USP24: variants seen among roughly 807,000 people sequenced by gnomAD.
The protein encoded by USP24 is ubiquitin specific peptidase 24.
USP24 carries 97 observed loss-of-function variants against 361.6 expected under a neutral mutation model. The ratio of observed to expected loss-of-function variants is 0.27; its 90% CI spans 0.23 to 0.32. The LOEUF (loss-of-function observed/expected upper bound fraction) is 0.32. Ranked by LOEUF, USP24 falls within the 10% of genes least tolerant of loss-of-function variation. The pLI, the probability that USP24 is intolerant of heterozygous loss-of-function variation, is 1.00. For synonymous variants in USP24, 1,098 were observed against 1,124.6 expected, an observed-to-expected ratio of 0.98 and a Z score of 0.47; for missense variants, 2,353 against 3,165.6, an observed-to-expected ratio of 0.74 and a Z score of 6.16.
chr1:55,132,725 C>T (rs1188763933), intron 30 of USP24, 25 bp from the exon 31 acceptor site: 2 of 1,597,144 alleles, frequency 1.3e-6, no homozygotes, highest in African/African-American at 2.7e-5. Flanking sequence ...ATGAGAAAGA[C>T]ATAAACTACT....
In USP24 at chr1:55,129,537, T is replaced by C. The variant is rs1297310793; in HGVS notation, c.3575A>G (p.Asp1192Gly). 20 of 1,613,792 alleles carry C rather than the reference T, an allele frequency of 1.2e-5. No homozygotes were observed. Among genetic ancestry groups the C allele is most frequent in the African/African-American group, 2.7e-5 (2 of 74,930 alleles). ...SSKLMPTADD[D>G]MARSCAKSFC... ...GGATTTGGCACAGCTTCTGGCCATG[T>C]CATCATCAGCTGTTGGCATGAGTTT... Residue 1192 changes from aspartate (D) to glycine (G), a missense_variant, in exon 32 of 68, where the codon GAC becomes GGC. By Grantham distance (94) the Asp-to-Gly change is moderately conservative. This residue lies in a region of USP24 where 949 missense variants were observed against 1,280.5 expected (regional missense o/e 0.74). Transcript: ENST00000294383.
intron 28 of USP24, 102 bp downstream of exon 28, chr1:55,137,413 A>G: frequency 7.5e-7 from 1 of 1,338,458 alleles, no homozygotes; most frequent in Non-Finnish European, 9.9e-7. Flanking sequence ...AAGCTTGAAC[A>G]CTAATGAATC....
intron 67 of USP24, among the ~76,000 whole-genome samples, chr1:55,070,146 A>G (rs1644891510): frequency 6.6e-6 from 1 of 152,026 alleles, no homozygotes; most frequent in African/African-American, 2.4e-5. Flanking sequence ...TGTGTGTGAG[A>G]TAAGGAACAC....
At chr1:55,189,488 G>A (rs539174211) in intron 1 of USP24, among the ~76,000 whole-genome samples, 5 of 152,192 alleles carry the variant, frequency 3.3e-5, no homozygotes, top group Non-Finnish European at 7.3e-5. Flanking sequence ...GCCGCATATT[G>A]TATCATTCTG....
At chr1:55,188,831 G>C (rs1047895541) in intron 1 of USP24, among the ~76,000 whole-genome samples, 1 of 151,516 alleles carries the variant, frequency 6.6e-6, no homozygotes, top group Non-Finnish European at 1.5e-5. Flanking sequence ...GTGGTGGTGG[G>C]CACCTGTAAT....
chr1:55,129,608 A>G (rs1006282955), intron 31 of USP24, 34 bp from the exon 32 acceptor site: 1 of 1,564,844 alleles, frequency 6.4e-7, no homozygotes, highest in African/African-American at 1.4e-5. Flanking sequence ...ATTCATCCAC[A>G]CATTTTCAGC....
In USP24 at chr1:55,188,605, A is replaced by C. The variant is rs192171476; in HGVS notation, c.325-10473T>G. Among the ~76,000 whole-genome samples the C allele has an allele frequency of 3.5e-4, 54 of 152,282 alleles. 1 individual carries two copies. Among genetic ancestry groups the C allele is most frequent in the Admixed American group, 6.5e-4 (10 of 15,284 alleles). On this transcript the variant is annotated intron_variant, in intron 1 of 67. Transcript: ENST00000294383. ...AAAAGATGCTAAGCATCTTCAGGAA[A>C]ATGCAAATCAAAACCACAAAATACC...
At chr1:55,192,896 T>C (rs1644326302) in intron 1 of USP24, among the ~76,000 whole-genome samples, 1 of 152,216 alleles carries the variant, frequency 6.6e-6, no homozygotes, top group African/African-American at 2.4e-5. Flanking sequence ...CTTCCTAAAC[T>C]ATTCAACAAA....
At chr1:55,102,541 T>C (rs1203884650) in intron 42 of USP24, among the ~76,000 whole-genome samples, 1 of 152,170 alleles carries the variant, frequency 6.6e-6, no homozygotes, top group Admixed American at 6.5e-5. Flanking sequence ...AATAACCAAC[T>C]AGCAGACAAA....
At chr1:55,182,767 T>G (rs1264025108) in intron 1 of USP24, among the ~76,000 whole-genome samples, 1 of 152,138 alleles carries the variant, frequency 6.6e-6, no homozygotes. Context: ...CAGGCTGGAG[T>G]GCAGTGGCAC....
rs1423361538 is a variant in USP24, at chr1:55,215,081, C to T, written c.33G>A (p.Thr11=). The change falls in exon 1 of 68, where the codon ACG becomes ACA. Residue 11 remains threonine (T), a synonymous_variant. Coordinates refer to ENST00000294383, the MANE Select transcript of USP24 (RefSeq NM_015306.3). The part of the protein sequence containing the change: MESEEEQHMT[T]LLCMGFSDPA... Reference sequence around the variant, plus strand: ...GGTCTGAGAAGCCCATGCACAGCAGCGTGGTCATGTGCTGCTCCTCCTCCG... The same window carrying T: ...GGTCTGAGAAGCCCATGCACAGCAGTGTGGTCATGTGCTGCTCCTCCTCCG... 2.1e-6 allele frequency: 3 copies of T among 1,398,452 alleles called. No individual in the cohort carries two copies. Among genetic ancestry groups the T allele is most frequent in the Admixed American group, 2.5e-5 (1 of 40,678 alleles). 86.6% of individuals were successfully genotyped at this position (1,398,452 alleles called of 1,614,324 possible).
intron 67 of USP24, chr1:55,071,012 A>G (rs1055415352): frequency 2.4e-6 from 1 of 416,876 alleles, no homozygotes; most frequent in South Asian, 1.0e-4. Context: ...TAATGTGTGG[A>G]GTGACCTTGG....
intron 62 of USP24, 119 bp from the exon 63 acceptor site, chr1:55,075,642 C>T: frequency 4.1e-6 from 2 of 484,844 alleles, no homozygotes; most frequent in Non-Finnish European, 6.8e-6. Flanking sequence ...ACAACAACAA[C>T]AACAACAACA....
At chr1:55,174,196 C>T (rs78987774) in intron 3 of USP24, among the ~76,000 whole-genome samples, 3,881 of 152,118 alleles carry the variant, frequency 0.026, 61 homozygotes, top group Non-Finnish European at 0.037. Context: ...TCATTCATAC[C>T]CTTACTTCTA....
At chr1:55,154,324 G>A (rs756744411) in intron 14 of USP24, 44 bp from the exon 15 acceptor site, 98 of 1,571,698 alleles carry the variant, frequency 6.2e-5, no homozygotes, top group Non-Finnish European at 8.4e-5. Context: ...TATGCAAATA[G>A]CTGCTTTGAG....
chr1:55,122,266 G>A (rs368004376), intron 36 of USP24, among the ~76,000 whole-genome samples: 1 of 152,286 alleles, frequency 6.6e-6, no homozygotes, highest in African/African-American at 2.4e-5. Flanking sequence ...GTTTCAGTAA[G>A]CATACTGGAA....
At chr1:55,213,410 CTTTTT>C (rs2100968369) in intron 1 of USP24, among the ~76,000 whole-genome samples, 2 of 152,304 alleles carry the variant, frequency 1.3e-5, no homozygotes, top group East Asian at 3.9e-4. Flanking sequence ...GAAACCTGTT[CTTTTT>C]AAGTGCCACC....
intron 1 of USP24, 52 bp from the exon 2 acceptor site, chr1:55,178,184 T>C: frequency 6.5e-7 from 1 of 1,542,684 alleles, no homozygotes; most frequent in Non-Finnish European, 8.8e-7. Flanking sequence ...TAGTGATTAC[T>C]CTAAAAATTT....
At chr1:55,080,553 C>A (rs76602254) in intron 59 of USP24, among the ~76,000 whole-genome samples, 4 of 151,984 alleles carry the variant, frequency 2.6e-5, no homozygotes, top group Non-Finnish European at 4.4e-5. Context: ...AGGTTTGTTA[C>A]GGGGATCAAA....
Sources: gnomAD v4.1 joint callset for allele counts (sites outside exome capture counted in the v4.1 genomes callset) on GRCh38, gnomAD v4.1.1 for gene constraint, gnomAD v4.1.1 regional missense constraint, MANE v1.5 for transcripts, NCBI Gene and HGNC (gene_info 2026-07-23, HGNC 2026-07-21) for gene names.